CASP10: variants seen among roughly 807,000 people sequenced by gnomAD.
CASP10 encodes caspase-10.
A neutral mutation model predicts 48.5 loss-of-function variants in CASP10; 41 were observed. The ratio of observed to expected loss-of-function variants is 0.85; its 90% CI spans 0.66 to 1.10. CASP10 has a LOEUF of 1.10. CASP10 is among the 50% of genes least tolerant of loss of function. CASP10 has a pLI of 0.00. For synonymous variants in CASP10, 232 were observed against 238.4 expected (o/e 0.97, Z 0.25); for missense variants, 614 against 614.5 (o/e 1.00, Z 0.01).
chr2:201,225,293 A>G (rs1456287906), downstream of CASP10, among the ~76,000 whole-genome samples: 2 of 151,994 alleles, frequency 1.3e-5, no homozygotes, highest in Middle Eastern at 3.4e-3. Flanking sequence ...TGTCAGTTCC[A>G]CTGAGGTGGT....
At chr2:201,229,141 C>A (rs188527006) in exon 10 of CASP10, 27 of 1,607,412 alleles carry the variant, frequency 1.7e-5, no homozygotes, top group Non-Finnish European at 2.2e-5. Flanking sequence ...AGATTGACAA[C>A]GCCCTACAGC....
chr2:201,223,225 G>A (rs1233142379), downstream of CASP10, among the ~76,000 whole-genome samples: 1 of 152,144 alleles, frequency 6.6e-6, no homozygotes, highest in African/African-American at 2.4e-5. Flanking sequence ...TCTGTAGCTG[G>A]AGGTCTTCAG....
In CASP10 at chr2:201,209,578, T is replaced by A; in HGVS notation, c.1415+16T>A. The A allele has an allele frequency of 1.3e-6, 2 of 1,595,316 alleles. No individual in the cohort carries two copies. Among genetic ancestry groups the A allele is most frequent in the South Asian group, 1.2e-5 (1 of 86,938 alleles). ...TGGTCCCAAGGTGAGAGCTCTTTTT[T>A]TTCTTCCATTTGTAATTAATTAGTT... is the stretch of plus-strand genomic sequence containing the variant. On this transcript the variant is annotated intron_variant, in intron 9 of 9. Coordinates refer to ENST00000286186, the MANE Select transcript of CASP10 (RefSeq NM_032977.4).
At chr2:201,199,384 C>T (rs553282220) in intron 5 of CASP10, among the ~76,000 whole-genome samples, 119 of 152,110 alleles carry the variant, frequency 7.8e-4, no homozygotes, top group Middle Eastern at 6.8e-3. Flanking sequence ...GGTATGTTGG[C>T]TCACACCTGT....
chr2:201,190,403 T>G (rs1022411356), intron 3 of CASP10, among the ~76,000 whole-genome samples: 5 of 152,176 alleles, frequency 3.3e-5, no homozygotes, highest in Non-Finnish European at 5.9e-5. Flanking sequence ...TATAAAACAT[T>G]GTAAGGATCT....
At position 201,218,556 on chromosome 2, in the gene CASP10, C is replaced by T. The variant is rs17860409; in HGVS notation, c.*815C>T. 0.033 allele frequency: 31,703 copies of T among 965,086 alleles called. 613 individuals carry two copies. The highest frequency in any genetic ancestry group is 0.063 in the South Asian group (1,322 of 20,880). 59.8% of individuals were successfully genotyped at this position (965,086 alleles called of 1,614,324 possible). The stretch of plus-strand genomic sequence containing the variant: ...GGCTCAAGCGATCCTCCCACCTCAG[C>T]TTCTCAAAGTTCTGGGACTACAGGC... On this transcript the variant is annotated 3_prime_UTR_variant, in exon 10 of 10. Transcript: ENST00000286186.
chr2:201,219,050 A>G lies in CASP10; in HGVS notation c.*1309A>G, dbSNP rs1035638171. On this transcript the variant is annotated 3_prime_UTR_variant, in exon 10 of 10. Coordinates refer to ENST00000286186, the MANE Select transcript of CASP10 (RefSeq NM_032977.4). The stretch of plus-strand genomic sequence containing the variant: ...TCTGGGAAGCCAAGGCAGGCAGATC[A>G]CTTGAGGTCAGGAGTTCGAGACCAG... 1.1e-6 allele frequency: 1 copy of G among 923,550 alleles called. No individual in the cohort carries two copies. The highest frequency in any genetic ancestry group is 1.8e-5 in the African/African-American group (1 of 56,006). 57.2% of individuals were successfully genotyped at this position (923,550 alleles called of 1,614,324 possible). A position where few individuals can be genotyped will look rare whatever the true frequency, so the allele number is the denominator to read the frequency against.
At chr2:201,195,158 C>T (rs932487422) in intron 4 of CASP10, among the ~76,000 whole-genome samples, 1 of 152,058 alleles carries the variant, frequency 6.6e-6, no homozygotes, top group Non-Finnish European at 1.5e-5. Flanking sequence ...GTGGCATGAT[C>T]TTGGCTCACT....
chr2:201,184,998 A>G (rs530085695), intron 1 of CASP10, among the ~76,000 whole-genome samples: 3 of 151,806 alleles, frequency 2.0e-5, no homozygotes, highest in African/African-American at 7.3e-5. Context: ...TTATTTATTT[A>G]TTTTTCTTTT....
intron 9 of CASP10, among the ~76,000 whole-genome samples, chr2:201,211,961 TA>T (rs1945409545): frequency 6.6e-6 from 1 of 152,180 alleles, no homozygotes; most frequent in Admixed American, 6.6e-5. Context: ...TTTTTATTTT[TA>T]TTTTTTTTTA....
At position 201,205,987 on chromosome 2, in the gene CASP10, C is replaced by A; in HGVS notation, c.813+14C>A. ...ACCAGCACAAAGGTCTGGATGGTTT[C>A]TTTTATTCCTTTTTTAATAAAAAAA... On this transcript the variant is annotated intron_variant, in intron 7 of 9. Coordinates refer to ENST00000286186, the MANE Select transcript of CASP10 (RefSeq NM_032977.4). The A allele has an allele frequency of 6.4e-7, 1 of 1,558,780 alleles. No individual in the cohort carries two copies. Among genetic ancestry groups the A allele is most frequent in the East Asian group, 2.2e-5 (1 of 44,490 alleles).
rs984045435 is a variant in CASP10, at chr2:201,220,226, T to C, written c.*2485T>C. On this transcript the variant is annotated 3_prime_UTR_variant, in exon 10 of 10. Transcript: ENST00000286186. Reference sequence around the variant, plus strand: ...CCACTTTAAGTTCCAGTTCCCTTTCTAGCCTCATGCATTTCAAGGAAATCA... The same window carrying C: ...CCACTTTAAGTTCCAGTTCCCTTTCCAGCCTCATGCATTTCAAGGAAATCA... 1.2e-6 allele frequency: 1 copy of C among 805,058 alleles called. No individual in the cohort carries two copies. The highest frequency in any genetic ancestry group is 1.9e-5 in the African/African-American group (1 of 53,682). 49.9% of individuals were successfully genotyped at this position (805,058 alleles called of 1,614,324 possible). A position where few individuals can be genotyped will look rare whatever the true frequency, so the allele number is the denominator to read the frequency against.
At chr2:201,185,714 A>G (rs912946102) in intron 1 of CASP10, 57 bp from the exon 2 acceptor site, 1 of 1,094,042 alleles carries the variant, frequency 9.1e-7, no homozygotes, top group Non-Finnish European at 1.4e-6. Flanking sequence ...CTGGGAAGTC[A>G]GGGGGCCATA....
chr2:201,208,352 G>T (rs1422520862), intron 8 of CASP10, 169 bp downstream of exon 8: 5 of 985,190 alleles, frequency 5.1e-6, no homozygotes, highest in Non-Finnish European at 6.0e-6. Context: ...GCTAAAGAGT[G>T]GCAAGAATCT....
chr2:201,203,690 G>A (rs1398577524), intron 5 of CASP10, 40 bp from the exon 6 acceptor site: 1 of 1,590,614 alleles, frequency 6.3e-7, no homozygotes, highest in South Asian at 1.1e-5. Flanking sequence ...CTAACTGTGT[G>A]AAATTCCTAT....
intron 9 of CASP10, among the ~76,000 whole-genome samples, chr2:201,210,734 G>C (rs1319938604): frequency 6.6e-6 from 1 of 152,144 alleles, no homozygotes; most frequent in Non-Finnish European, 1.5e-5. Context: ...TTACTGTACT[G>C]GGTACCGAAC....
chr2:201,214,184 G>A (rs1198427457), intron 9 of CASP10: 7 of 152,088 alleles, frequency 4.6e-5, no homozygotes, highest in Admixed American at 3.9e-4. Context: ...TAATAAGTAG[G>A]GGGAGGGATC....
chr2:201,201,150 A>G (rs935704400), intron 5 of CASP10, among the ~76,000 whole-genome samples: 1 of 152,022 alleles, frequency 6.6e-6, no homozygotes, highest in African/African-American at 2.4e-5. Context: ...CCCGGGTTCA[A>G]ATGATTCTCA....
In CASP10 at chr2:201,220,288, G is replaced by T; in HGVS notation, c.*2547G>T. 3.3e-6 allele frequency: 1 copy of T among 304,130 alleles called. No homozygotes were observed. The highest frequency in any genetic ancestry group is 4.8e-6 in the Non-Finnish European group (1 of 209,200). The allele number at this position is 304,130 out of a possible 1,614,324, so 18.8% of individuals were successfully genotyped here. A position where few individuals can be genotyped will look rare whatever the true frequency, so the allele number is the denominator to read the frequency against. On this transcript the variant is annotated 3_prime_UTR_variant, in exon 10 of 10. Coordinates refer to ENST00000286186, the MANE Select transcript of CASP10 (RefSeq NM_032977.4). ...ACAGCGAGCAGCCAGAAAGAGAAGA[G>T]AGTAAAATACAGATAAGACAGCTCT...
Sources: gnomAD v4.1 joint callset for allele counts (sites outside exome capture counted in the v4.1 genomes callset) on GRCh38, gnomAD v4.1.1 for gene constraint, MANE v1.5 for transcripts, NCBI Gene and HGNC (gene_info 2026-07-23, HGNC 2026-07-21) for gene names.